Variants in UGGT2 observed in about 807,000 individuals in gnomAD.
UGGT2 encodes UDP-glucose:glycoprotein glucosyltransferase 2.
Under a neutral mutation model 192.1 loss-of-function variants are expected in UGGT2, and 180 were observed. That is an observed-to-expected ratio of 0.94 (90% CI 0.83 to 1.06). UGGT2 has a LOEUF of 1.06. UGGT2 is among the 50% of genes least tolerant of loss of function. UGGT2 has a pLI of 0.00. For missense variants in UGGT2, 1,849 were observed against 1,795.7 expected, an observed-to-expected ratio of 1.03 and a Z score of -0.54; for synonymous variants, 580 against 591.0, an observed-to-expected ratio of 0.98 and a Z score of 0.27.
chr13:95,867,446 ATAAT>A, intron 29 of UGGT2, 23 bp from the exon 30 acceptor site: 4 of 1,568,540 alleles, frequency 2.6e-6, no homozygotes, highest in Middle Eastern at 3.4e-4. Context: ...AAATGTGTCC[ATAAT>A]TAATTTAAGA....
chr13:96,003,241 T>A (rs2051865175), intron 5 of UGGT2, among the ~76,000 whole-genome samples: 1 of 152,110 alleles, frequency 6.6e-6, no homozygotes, highest in Non-Finnish European at 1.5e-5. Context: ...GTGTTTACAG[T>A]CCTCCCCTGG....
At chr13:95,914,335 A>G (rs1467368633) in intron 20 of UGGT2, among the ~76,000 whole-genome samples, 1 of 152,172 alleles carries the variant, frequency 6.6e-6, no homozygotes, top group African/African-American at 2.4e-5. Flanking sequence ...AACTACTGGC[A>G]TCCACTTAAA....
At chr13:95,809,369 T>C (rs1884469644) in intron 38 of UGGT2, 1 of 410,928 alleles carries the variant, frequency 2.4e-6, no homozygotes. Context: ...GGTTTTTGTT[T>C]CTCCATTTTC....
At chr13:95,965,744 A>C (rs2050558267) in intron 12 of UGGT2, among the ~76,000 whole-genome samples, 2 of 152,154 alleles carry the variant, frequency 1.3e-5, no homozygotes, top group African/African-American at 4.8e-5. Flanking sequence ...AAAGTATAAT[A>C]ATAATGAAAA....
intron 1 of UGGT2, among the ~76,000 whole-genome samples, chr13:96,040,396 T>G (rs1428257260): frequency 6.6e-6 from 1 of 152,146 alleles, no homozygotes; most frequent in Admixed American, 6.5e-5. Flanking sequence ...TGCCTGTGTC[T>G]TCTCTGCTTC....
chr13:96,011,232 G>T (rs1487119418), intron 5 of UGGT2, among the ~76,000 whole-genome samples: 1 of 152,044 alleles, frequency 6.6e-6, no homozygotes, highest in Non-Finnish European at 1.5e-5. Flanking sequence ...ACAAAAAAAT[G>T]ATGAACTGGA....
chr13:96,049,511 T>C (rs1340475764), intron 1 of UGGT2, among the ~76,000 whole-genome samples: 2 of 152,152 alleles, frequency 1.3e-5, no homozygotes, highest in Non-Finnish European at 2.9e-5. Context: ...ATAAAGGGTA[T>C]TCAATTAGGA....
chr13:95,991,553 G>C (rs1200427849), intron 7 of UGGT2: 3 of 351,848 alleles, frequency 8.5e-6, no homozygotes, highest in South Asian at 4.6e-5. Flanking sequence ...ATATAGTACA[G>C]TGTCAATATC....
At chr13:95,973,664 G>C (rs2050846794) in intron 10 of UGGT2, among the ~76,000 whole-genome samples, 1 of 152,180 alleles carries the variant, frequency 6.6e-6, no homozygotes, top group African/African-American at 2.4e-5. Context: ...GGATGTTCTT[G>C]TCACTAAAGC....
At chr13:95,892,042 A>G (rs2047816769) in intron 24 of UGGT2, among the ~76,000 whole-genome samples, 2 of 151,996 alleles carry the variant, frequency 1.3e-5, no homozygotes, top group Admixed American at 1.3e-4. Flanking sequence ...TATTAAAGTG[A>G]CTCTTGACAA....
chr13:96,044,229 A>G (rs1271388558), intron 1 of UGGT2, among the ~76,000 whole-genome samples: 1 of 152,242 alleles, frequency 6.6e-6, no homozygotes, highest in East Asian at 1.9e-4. Context: ...AAAACCATGC[A>G]AATACATGGA....
At position 96,040,631 on chromosome 13, in the gene UGGT2, A is replaced by G. The variant is rs530138494; in HGVS notation, c.159-8660T>C. On this transcript the variant is annotated intron_variant, in intron 1 of 38. Transcript: ENST00000376747. ...CCAATAAACCCATTAAGTTGGGTTT[A>G]TTAAGTATTAAGTTGCAAATACTAT... 2.6e-5 allele frequency among the ~76,000 whole-genome samples: 4 copies of G among 152,312 alleles called. No individual in the cohort carries two copies. The East Asian group carries it at 5.8e-4, about 22-fold the overall frequency.
At chr13:95,931,863 G>A (rs1330837520) in intron 17 of UGGT2, among the ~76,000 whole-genome samples, 1 of 152,162 alleles carries the variant, frequency 6.6e-6, no homozygotes, top group Middle Eastern at 3.2e-3. Context: ...TCCGGCCTCG[G>A]ACAGCCCAGA....
chr13:95,914,612 T>TAAAAAAAA (rs146990164), intron 20 of UGGT2, among the ~76,000 whole-genome samples: 63 of 80,994 alleles, frequency 7.8e-4, no homozygotes, highest in African/African-American at 1.2e-3. Flanking sequence ...CCATCTCTAC[T>TAAAAAAAA]AAAAAAAAAA....
chr13:95,970,070 T>C (rs988277475), intron 12 of UGGT2, 42 bp downstream of exon 12: 3 of 1,560,990 alleles, frequency 1.9e-6, no homozygotes, highest in East Asian at 2.3e-5. Context: ...AAGCCTTAAG[T>C]ATACTACAGG....
Position 95,842,110 on chromosome 13 carries a change from C to T in UGGT2, c.4285-4908G>A, listed in dbSNP as rs559225421. On this transcript the variant is annotated intron_variant, in intron 36 of 38. Transcript: ENST00000376747. ...TTTACATATGTATATTTCTGTGAAA[C>T]CATCACATAATTAACATAATTGAAT... 4.6e-5 allele frequency among the ~76,000 whole-genome samples: 7 copies of T among 152,242 alleles called. No homozygotes were observed. The South Asian group carries it at 1.5e-3, about 32-fold the overall frequency.
chr13:95,910,793 G>C (rs1025360617), intron 20 of UGGT2, among the ~76,000 whole-genome samples: 5 of 151,936 alleles, frequency 3.3e-5, no homozygotes, highest in African/African-American at 9.7e-5. Context: ...ACATTCTTTG[G>C]AGCACCGCAT....
At chr13:96,023,213 C>A (rs1039679885) in intron 3 of UGGT2, 61 bp from the exon 4 acceptor site, 18 of 1,368,338 alleles carry the variant, frequency 1.3e-5, no homozygotes, top group Non-Finnish European at 1.7e-5. Flanking sequence ...GATTTTAAAA[C>A]CCTCACACAT....
chr13:95,860,647 C>T, intron 32 of UGGT2, 141 bp downstream of exon 32: 1 of 438,534 alleles, frequency 2.3e-6, no homozygotes, highest in Non-Finnish European at 4.0e-6. Flanking sequence ...TTATGGGTTT[C>T]CTGTGAGAAA....
Sources: gnomAD v4.1 joint callset for allele counts (sites outside exome capture counted in the v4.1 genomes callset) on GRCh38, gnomAD v4.1.1 for gene constraint, MANE v1.5 for transcripts, NCBI Gene and HGNC (gene_info 2026-07-23, HGNC 2026-07-21) for gene names.